Variants in ZNF558 observed in about 807,000 individuals in gnomAD.
ZNF558 encodes the protein zinc finger protein 558.
Under a neutral mutation model 37.6 loss-of-function variants are expected in ZNF558, and 23 were observed. The ratio of observed to expected loss-of-function variants is 0.61; its 90% confidence interval spans 0.44 to 0.87. The LOEUF (loss-of-function observed/expected upper bound fraction) is 0.87. Ranked by LOEUF, ZNF558 falls within the 40% of genes least tolerant of loss-of-function variation. The pLI is 0.00. For missense variants in ZNF558, 429 were observed against 483.7 expected (o/e 0.89, Z 1.06); for synonymous variants, 189 against 174.4 (o/e 1.08, Z -0.66).
upstream of ZNF558, among the ~76,000 whole-genome samples, chr19:8,833,979 C>T (rs1028152261): frequency 1.3e-5 from 2 of 149,850 alleles, no homozygotes; most frequent in African/African-American, 2.4e-5. Context: ...ACGAGCAAGA[C>T]TCCATCTCAA....
In ZNF558 at chr19:8,822,150, C is replaced by T. The variant is rs1324266601; in HGVS notation, c.32-59G>A. ...GCTTGTCTGACACCCACAGATCTGC[C>T]CCTGATTGACCACACCCACCTCCCA... On this transcript the variant is annotated intron_variant, in intron 5 of 9. Coordinates refer to ENST00000601372, the MANE Select transcript of ZNF558 (RefSeq NM_144693.3). The surrounding 1 kb of genome is among the most constrained non-coding windows in gnomAD (Gnocchi z 4.4). 1.2e-6 allele frequency: 2 copies of T among 1,602,834 alleles called. No individual in the cohort carries two copies. Among genetic ancestry groups the T allele is most frequent in the Non-Finnish European group, 1.7e-6 (2 of 1,172,588 alleles).
At chr19:8,813,708 A>G (rs2043857370) in intron 7 of ZNF558, among the ~76,000 whole-genome samples, 1 of 152,240 alleles carries the variant, frequency 6.6e-6, no homozygotes, top group Non-Finnish European at 1.5e-5. Context: ...CTCACTGAAC[A>G]AAAATGCAAC....
chr19:8,830,170 T>G (rs570566054), intron 2 of ZNF558, among the ~76,000 whole-genome samples: 2 of 152,316 alleles, frequency 1.3e-5, no homozygotes, highest in Admixed American at 6.5e-5. Flanking sequence ...CCTGCTGCCA[T>G]GTAAGACGTG....
In ZNF558 at chr19:8,821,295, G is replaced by C. The variant is rs1360580873; in HGVS notation, c.132C>G (p.Thr44=). 1.2e-6 allele frequency: 2 copies of C among 1,614,182 alleles called. No individual in the cohort carries two copies. The change falls in exon 7 of 10, where the codon ACC becomes ACG. Residue 44 remains threonine, a synonymous_variant. Coordinates refer to ENST00000601372, the MANE Select transcript of ZNF558 (RefSeq NM_144693.3). ...LLTSWLRGLV[T]FEDVAVEFTQ... The stretch of plus-strand genomic sequence containing the variant: ...TGAACTCCACGGCCACATCCTCGAA[G>C]GTTACCAAGCCCTAAAGCATTGCAA...
chr19:8,821,487 C>A, intron 6 of ZNF558, 181 bp from the exon 7 acceptor site: 1 of 1,460,784 alleles, frequency 6.8e-7, no homozygotes, highest in South Asian at 1.4e-5. Context: ...AGCTCCTCTC[C>A]TGGGGTTCTG....
chr19:8,820,018 A>G (rs1395942437), intron 7 of ZNF558, among the ~76,000 whole-genome samples: 1 of 152,198 alleles, frequency 6.6e-6, no homozygotes, highest in African/African-American at 2.4e-5. Flanking sequence ...TTCCAAAGAA[A>G]AATACTCAAC....
At chr19:8,827,301 GC>G (rs2044253263) in intron 2 of ZNF558, among the ~76,000 whole-genome samples, 1 of 152,168 alleles carries the variant, frequency 6.6e-6, no homozygotes, top group African/African-American at 2.4e-5. Flanking sequence ...GACTAGTATG[GC>G]TGAGAAAATA....
intron 7 of ZNF558, among the ~76,000 whole-genome samples, chr19:8,819,523 T>C (rs547344523): frequency 6.6e-6 from 1 of 152,138 alleles, no homozygotes; most frequent in African/African-American, 2.4e-5. Context: ...ATCAAGAAAA[T>C]GAAAAGACAC....
chr19:8,811,857 A>T lies in ZNF558; in HGVS notation c.633T>A (p.Asn211Lys). ...GATCACTAAATGCTTTCCCACAGTG[A>T]TTGCATTCATAGGGTTTCTCCCCAT... ...IHNGEKPYEC[N>K]HCGKAFSDPS... is the part of the protein sequence containing the mutation. Residue 211 changes from asparagine (N) to lysine (K), a missense_variant, in exon 10 of 10, where the codon AAT (asparagine) becomes AAA (lysine). Transcript: ENST00000601372. 1 of 1,614,126 alleles carries T rather than the reference A, an allele frequency of 6.2e-7. No individual in the cohort carries two copies. The highest frequency in any genetic ancestry group is 1.7e-5 in the Admixed American group (1 of 60,012).
chr19:8,809,369 G>A lies in ZNF558; in HGVS notation c.*1912C>T, dbSNP rs781857929. On this transcript the variant is annotated 3_prime_UTR_variant, in exon 10 of 10. Transcript: ENST00000601372. ...CAGGGGAGTGCGAAAAAACCCGCCTGGGCTTCAGGAAAAACTATAAGATTG... is the reference window on the plus strand; with the variant it reads ...CAGGGGAGTGCGAAAAAACCCGCCTAGGCTTCAGGAAAAACTATAAGATTG... 2.0e-5 allele frequency: 3 copies of A among 152,156 alleles called. No individual in the cohort carries two copies. Among genetic ancestry groups the A allele is most frequent in the African/African-American group, 4.8e-5 (2 of 41,436 alleles). The allele number at this position is 152,156 out of a possible 1,614,324, so 9.4% of individuals were successfully genotyped here.
chr19:8,813,402 G>A (rs534673823), intron 7 of ZNF558, among the ~76,000 whole-genome samples, 180 bp from the exon 8 acceptor site: 4 of 151,754 alleles, frequency 2.6e-5, no homozygotes, highest in South Asian at 2.1e-4. Flanking sequence ...TCTGTCGCCC[G>A]GGTTGAAGTG....
intron 2 of ZNF558, among the ~76,000 whole-genome samples, chr19:8,825,703 G>A (rs2044215984): frequency 6.6e-6 from 1 of 152,112 alleles, no homozygotes; most frequent in African/African-American, 2.4e-5. Context: ...GGCAGGGATG[G>A]GGGCACTGGA....
In ZNF558 at chr19:8,812,009, A is replaced by G. The variant is rs563195739; in HGVS notation, c.481T>C (p.Phe161Leu). Residue 161 changes from phenylalanine to leucine, a missense_variant, in exon 10 of 10, where the codon TTC becomes CTC. By Grantham distance (22) the Phe-to-Leu change is conservative. Coordinates refer to ENST00000601372, the MANE Select transcript of ZNF558 (RefSeq NM_144693.3). ...TGAGTTAGGTTAGATTTCGTGCTGA[A>G]GACTTTAAAACACTGATTACATTCA... is the stretch of plus-strand genomic sequence containing the variant. ...LNECNQCFKV[F>L]STKSNLTQHK... 33 of 1,612,756 alleles carry G rather than the reference A, an allele frequency of 2.0e-5. No homozygotes were observed. Among genetic ancestry groups the G allele is most frequent in the Non-Finnish European group, 2.0e-5 (23 of 1,179,310 alleles).
At chr19:8,828,651 C>CT (rs1405535386) in intron 2 of ZNF558, among the ~76,000 whole-genome samples, 1 of 152,180 alleles carries the variant, frequency 6.6e-6, no homozygotes, top group East Asian at 1.9e-4. Flanking sequence ...TTTTCTGTAA[C>CT]TTACCATTGC....
rs1360763237 is a variant in ZNF558, at chr19:8,809,155, G to A, written c.*2126C>T. ...AGATGCAGCCAATCGGAGGCTCCTG[G>A]AGAGCCCAAAGCATTGTGATTTTTG... On this transcript the variant is annotated 3_prime_UTR_variant, in exon 10 of 10. Coordinates refer to ENST00000601372, the MANE Select transcript of ZNF558 (RefSeq NM_144693.3). 6.6e-6 allele frequency: 1 copy of A among 152,202 alleles called. No individual in the cohort carries two copies. The highest frequency in any genetic ancestry group is 6.5e-5 in the Admixed American group (1 of 15,272). The allele number at this position is 152,202 out of a possible 1,614,324, so 9.4% of individuals were successfully genotyped here.
chr19:8,828,185 T>C (rs192069781), intron 2 of ZNF558, among the ~76,000 whole-genome samples: 1 of 152,314 alleles, frequency 6.6e-6, no homozygotes, highest in Admixed American at 6.5e-5. Context: ...AATATGGAAC[T>C]TGTTAAACAG....
At chr19:8,829,324 G>A (rs531487808) in intron 2 of ZNF558, among the ~76,000 whole-genome samples, 1 of 152,078 alleles carries the variant, frequency 6.6e-6, no homozygotes, top group Admixed American at 6.5e-5. Context: ...TTTAATGTCT[G>A]GTCCTCCTTG....
rs782741944 is a variant in ZNF558 at position 8,813,179 on chromosome 19, T to C, written c.291A>G (p.Gln97=). 3.1e-6 allele frequency: 5 copies of C among 1,600,186 alleles called. No homozygotes were observed. The highest frequency in any genetic ancestry group is 2.3e-5 in the South Asian group (2 of 88,322). ...NKPSLISQLE[Q]DKKVVTEERG... The stretch of plus-strand genomic sequence containing the variant: ...TTTCCTCTGTCACCACCTTCTTGTC[T>C]TGTTCCAACTGGGATATCAGACTGG... Residue 97 remains glutamine (Q), a synonymous_variant, in exon 8 of 10, where the codon CAA becomes CAG. Transcript: ENST00000601372.
chr19:8,821,118 C>G, intron 7 of ZNF558, 62 bp downstream of exon 7: 1 of 1,569,314 alleles, frequency 6.4e-7, no homozygotes, highest in Non-Finnish European at 8.6e-7. Context: ...AAAAAGTAAG[C>G]AAAGCAGGCA....
Sources: gnomAD v4.1 joint callset for allele counts (sites outside exome capture counted in the v4.1 genomes callset) on GRCh38, gnomAD v4.1.1 for gene constraint, Gnocchi (gnomAD v3.1) non-coding constraint, MANE v1.5 for transcripts, NCBI Gene and HGNC (gene_info 2026-07-23, HGNC 2026-07-21) for gene names.